The following ANKRD30BL variants were observed in gnomAD, a reference collection of about 807,000 sequenced individuals.
The protein encoded by ANKRD30BL is ankyrin repeat domain 30B like, also known as putative ankyrin repeat domain-containing protein 30B-like.
Under a neutral mutation model 18.4 loss-of-function variants are expected in ANKRD30BL, and 20 were observed. That is an observed-to-expected ratio of 1.09 (90% CI 0.77 to 1.58). The LOEUF (loss-of-function observed/expected upper bound fraction) is 1.58, where lower values mean the gene tolerates loss of function less well. Among genes scored for constraint, ANKRD30BL ranks in the 40% most tolerant of loss-of-function variants. The pLI is 0.00. For synonymous variants in ANKRD30BL, 72 were observed against 100.9 expected (o/e 0.71, Z 1.72); for missense variants, 224 against 268.6 (o/e 0.83, Z 1.16).
At chr2:132,244,924 A>C (rs1573888263) in intron 1 of ANKRD30BL, among the ~76,000 whole-genome samples, 1 of 152,298 alleles carries the variant, frequency 6.6e-6, no homozygotes. Context: ...TGAAAAAGGA[A>C]ATATCTTCCC....
At chr2:132,222,736 AC>A (rs1679724430) in intron 1 of ANKRD30BL, among the ~76,000 whole-genome samples, 1 of 145,188 alleles carries the variant, frequency 6.9e-6, no homozygotes, top group African/African-American at 2.5e-5. Flanking sequence ...AAAACCAGAG[AC>A]CTTTGTTCAC....
intron 1 of ANKRD30BL, among the ~76,000 whole-genome samples, chr2:132,202,306 A>T (rs1321675386): frequency 1.3e-5 from 2 of 152,200 alleles, no homozygotes; most frequent in South Asian, 2.1e-4. Flanking sequence ...AACATAAAAA[A>T]GTACATCACC....
At chr2:132,171,648 T>A (rs1211411795) in intron 1 of ANKRD30BL, among the ~76,000 whole-genome samples, 1 of 152,266 alleles carries the variant, frequency 6.6e-6, no homozygotes, top group Non-Finnish European at 1.5e-5. Context: ...TTAAATTTTA[T>A]GCTTAATAAC....
At chr2:132,236,428 G>T (rs1223789879) in intron 1 of ANKRD30BL, among the ~76,000 whole-genome samples, 2 of 151,736 alleles carry the variant, frequency 1.3e-5, no homozygotes, top group East Asian at 3.9e-4. Flanking sequence ...AAATTTACAA[G>T]AAAAAAACAA....
chr2:132,207,926 C>A (rs1679240329), intron 1 of ANKRD30BL, among the ~76,000 whole-genome samples: 1 of 152,110 alleles, frequency 6.6e-6, no homozygotes, highest in East Asian at 1.9e-4. Context: ...CGGGGTCACC[C>A]TTATTCATGA....
At chr2:132,212,260 T>C (rs1229421546) in intron 1 of ANKRD30BL, among the ~76,000 whole-genome samples, 1 of 151,620 alleles carries the variant, frequency 6.6e-6, no homozygotes, top group Non-Finnish European at 1.5e-5. Context: ...AAGTGGACAT[T>C]TGGAGAGCTT....
chr2:132,229,954 G>A (rs1240970627), intron 1 of ANKRD30BL, among the ~76,000 whole-genome samples: 6 of 151,918 alleles, frequency 3.9e-5, no homozygotes, highest in Non-Finnish European at 8.8e-5. Context: ...CTTTATAAAC[G>A]TGAATATCTT....
chr2:132,165,870 A>T (rs1315852074), upstream of ANKRD30BL, among the ~76,000 whole-genome samples: 1 of 152,080 alleles, frequency 6.6e-6, no homozygotes, highest in Admixed American at 6.5e-5. Context: ...AAGAAAAAAA[A>T]ACAAAAAACA....
At chr2:132,234,116 T>G (rs1402258576) in intron 1 of ANKRD30BL, among the ~76,000 whole-genome samples, 2 of 152,096 alleles carry the variant, frequency 1.3e-5, no homozygotes, top group Non-Finnish European at 2.9e-5. Flanking sequence ...AAGGCAGAAA[T>G]AAAGATGTTC....
intron 1 of ANKRD30BL, among the ~76,000 whole-genome samples, chr2:132,234,184 G>A (rs977123032): frequency 1.3e-5 from 2 of 152,100 alleles, no homozygotes; most frequent in Non-Finnish European, 2.9e-5. Context: ...CACATTCAAA[G>A]CAGGGTGTAG....
At chr2:132,155,548 T>C (rs1687879579) in intron 3 of ANKRD30BL, 2 of 152,138 alleles carry the variant, frequency 1.3e-5, no homozygotes. Flanking sequence ...TATTATTAAA[T>C]GGTCCATGGG....
At chr2:132,218,780 C>G (rs896034981) in intron 1 of ANKRD30BL, among the ~76,000 whole-genome samples, 2 of 151,870 alleles carry the variant, frequency 1.3e-5, no homozygotes, top group African/African-American at 4.8e-5. Context: ...GCTTTCAGGC[C>G]TTCATTGGAA....
chr2:132,170,401 C>T (rs1286081270), intron 1 of ANKRD30BL, among the ~76,000 whole-genome samples: 2 of 152,170 alleles, frequency 1.3e-5, no homozygotes, highest in Admixed American at 6.5e-5. Context: ...TCCCAGCCTC[C>T]GTCCTGGAAC....
rs569252372 is a variant in ANKRD30BL, at chr2:132,175,517, G to C, written n.442-18371C>G. Among the ~76,000 whole-genome samples, 3 of 152,336 alleles carry C rather than the reference G, an allele frequency of 2.0e-5. No homozygotes were observed. The East Asian group carries it at 5.8e-4, about 29-fold the overall frequency. ...CTGAGACATTCAGTTCCCTGGGGCA[G>C]GCAGGAGACAGTGGCCTTCCTCTAT... On this transcript the variant is annotated intron_variant and non_coding_transcript_variant, in intron 1 of 4. Transcript: ENST00000470729.
intron 1 of ANKRD30BL, among the ~76,000 whole-genome samples, chr2:132,234,841 C>T (rs1680111885): frequency 1.3e-5 from 2 of 152,260 alleles, no homozygotes; most frequent in East Asian, 1.9e-4. Flanking sequence ...TTTTATGAGG[C>T]CAGCATCATT....
At chr2:132,170,076 C>T (rs1357100490) in intron 1 of ANKRD30BL, among the ~76,000 whole-genome samples, 7 of 152,114 alleles carry the variant, frequency 4.6e-5, no homozygotes, top group Admixed American at 3.9e-4. Flanking sequence ...CTCTGATCCT[C>T]AATTTTATAT....
chr2:132,148,389 A>C (rs1282666861), intron 5 of ANKRD30BL, among the ~76,000 whole-genome samples, 161 bp from the exon 6 acceptor site: 1 of 70,830 alleles, frequency 1.4e-5, no homozygotes, highest in Non-Finnish European at 3.1e-5. Context: ...TTTTTGAGAC[A>C]AGAGCCTCGC....
intron 1 of ANKRD30BL, among the ~76,000 whole-genome samples, chr2:132,209,396 A>G (rs796774303): frequency 6.6e-6 from 1 of 150,670 alleles, no homozygotes; most frequent in Non-Finnish European, 1.5e-5. Flanking sequence ...TGATGTGTGC[A>G]TTCATCTCAC....
chr2:132,230,060 A>T (rs1484271643), intron 1 of ANKRD30BL, among the ~76,000 whole-genome samples: 1 of 151,784 alleles, frequency 6.6e-6, no homozygotes, highest in Non-Finnish European at 1.5e-5. Context: ...AGCACGTTTC[A>T]AACACGCTTT....
Sources: allele counts gnomAD v4.1 joint callset (sites outside exome capture counted in the v4.1 genomes callset), GRCh38; gene constraint gnomAD v4.1.1; transcripts MANE v1.5; gene names NCBI Gene and HGNC (gene_info 2026-07-23, HGNC 2026-07-21).